Variants in ZNF385D observed in about 807,000 individuals in gnomAD.
ZNF385D encodes the protein zinc finger protein 385D.
ZNF385D carries 15 observed loss-of-function variants against 35.8 expected under a neutral mutation model. That is an observed-to-expected ratio of 0.42 (90% CI 0.28 to 0.64). The LOEUF (loss-of-function observed/expected upper bound fraction) is 0.64. Ranked by LOEUF, ZNF385D falls within the 30% of genes least tolerant of loss-of-function variation. ZNF385D has a pLI of 0.23. For missense variants in ZNF385D, 474 were observed against 494.6 expected (o/e 0.96, Z 0.39); for synonymous variants, 212 against 186.8 (o/e 1.13, Z -1.10).
chr3:21,461,875 A>T (rs77576957), intron 4 of ZNF385D, among the ~76,000 whole-genome samples: 7 of 152,194 alleles, frequency 4.6e-5, no homozygotes, highest in Admixed American at 2.6e-4. Context: ...GGACAAAGAC[A>T]TATCTGTGGC....
At chr3:21,431,184 A>G (rs940428108) in intron 5 of ZNF385D, 2 of 152,106 alleles carry the variant, frequency 1.3e-5, no homozygotes, top group African/African-American at 4.8e-5. Context: ...TGCACTTGAA[A>G]CCTCATTTAA....
chr3:21,725,486 A>G (rs947969786), intron 1 of ZNF385D, among the ~76,000 whole-genome samples: 29 of 152,196 alleles, frequency 1.9e-4, no homozygotes, highest in Non-Finnish European at 1.9e-4. Context: ...TGCAATAAAA[A>G]ATGATACAGG....
intron 3 of ZNF385D, among the ~76,000 whole-genome samples, chr3:22,148,104 G>A (rs563409487): frequency 6.6e-6 from 1 of 152,204 alleles, no homozygotes; most frequent in South Asian, 2.1e-4. Context: ...TGGAATTCCA[G>A]TTGTGTAAAA....
At chr3:22,125,677 G>A (rs761870561) in intron 3 of ZNF385D, among the ~76,000 whole-genome samples, 1 of 151,768 alleles carries the variant, frequency 6.6e-6, no homozygotes. Flanking sequence ...GTATTTTATT[G>A]GTAGCCATTA....
chr3:22,197,299 A>C (rs976407004), intron 2 of ZNF385D, among the ~76,000 whole-genome samples: 2 of 151,968 alleles, frequency 1.3e-5, no homozygotes, highest in African/African-American at 4.8e-5. Context: ...CTCTTCTAGG[A>C]CTATAGTTAC....
At chr3:22,228,804 G>A (rs1435700768) in intron 2 of ZNF385D, among the ~76,000 whole-genome samples, 1 of 152,176 alleles carries the variant, frequency 6.6e-6, no homozygotes, top group Non-Finnish European at 1.5e-5. Context: ...GAATGTGGAA[G>A]GACTAGACTG....
intron 3 of ZNF385D, among the ~76,000 whole-genome samples, chr3:22,105,679 G>C (rs1295169487): frequency 6.6e-6 from 1 of 152,044 alleles, no homozygotes; most frequent in Admixed American, 6.6e-5. Flanking sequence ...GTAAGGCAGA[G>C]AATCAATTCA....
chr3:22,127,935 G>T (rs1479809351), intron 3 of ZNF385D, among the ~76,000 whole-genome samples: 1 of 152,080 alleles, frequency 6.6e-6, no homozygotes, highest in African/African-American at 2.4e-5. Flanking sequence ...TTACATACCA[G>T]AACTGCAGTG....
chr3:22,235,423 C>T (rs1327145763), intron 2 of ZNF385D, among the ~76,000 whole-genome samples: 1 of 151,914 alleles, frequency 6.6e-6, no homozygotes, highest in African/African-American at 2.4e-5. Context: ...TTTAACAGGA[C>T]GAAACACTCA....
chr3:22,353,009 T>C (rs1695987443), intron 2 of ZNF385D, among the ~76,000 whole-genome samples: 1 of 152,172 alleles, frequency 6.6e-6, no homozygotes, highest in Admixed American at 6.5e-5. Flanking sequence ...TCTTTGTTTC[T>C]AGATGGTTCC....
At chr3:21,433,410 A>G (rs1701395893) in intron 5 of ZNF385D, among the ~76,000 whole-genome samples, 1 of 152,218 alleles carries the variant, frequency 6.6e-6, no homozygotes, top group Non-Finnish European at 1.5e-5. Flanking sequence ...ATTCGGATGC[A>G]AGGGAAACAT....
At chr3:22,010,993 T>C (rs1440918873) in intron 3 of ZNF385D, among the ~76,000 whole-genome samples, 1 of 152,168 alleles carries the variant, frequency 6.6e-6, no homozygotes, top group South Asian at 2.1e-4. Context: ...GGATAGACTA[T>C]TTCAATGGAT....
rs137994404 is a variant in ZNF385D, at chr3:21,821,212, C to G, written c.326-156184G>C. ...AGGTGGTAAAATTACAGAAAAGTCT[C>G]ACTCATAAATTTAGATGAAAAAAAA... On this transcript the variant is annotated intron_variant, in intron 3 of 5. Transcript: ENST00000494108. Among the ~76,000 whole-genome samples the G allele has an allele frequency of 4.4e-4, 67 of 151,900 alleles. 1 individual carries two copies. In the East Asian group the frequency reaches 0.012, roughly 28 times the overall value.
intron 3 of ZNF385D, among the ~76,000 whole-genome samples, chr3:21,910,805 G>A (rs537371445): frequency 7.3e-5 from 11 of 151,558 alleles, no homozygotes; most frequent in African/African-American, 2.7e-4. Context: ...ATAAAATGGT[G>A]GCATTTGAGT....
intron 1 of ZNF385D, among the ~76,000 whole-genome samples, chr3:21,693,359 T>C (rs1051033859): frequency 1.3e-5 from 2 of 151,988 alleles, no homozygotes; most frequent in African/African-American, 4.8e-5. Context: ...TCAGTGATCA[T>C]CTTGGGGGCA....
At chr3:22,122,047 A>C (rs915706625) in intron 3 of ZNF385D, among the ~76,000 whole-genome samples, 1 of 152,174 alleles carries the variant, frequency 6.6e-6, no homozygotes, top group Non-Finnish European at 1.5e-5. Flanking sequence ...AGGTGGACTG[A>C]TAGCCACTAG....
chr3:21,787,890 C>T (rs149709376), intron 3 of ZNF385D, among the ~76,000 whole-genome samples: 2 of 131,278 alleles, frequency 1.5e-5, no homozygotes, highest in Non-Finnish European at 3.1e-5. Context: ...TGCAGAGAGG[C>T]GAGATCGAGC....
At chr3:22,231,122 C>A (rs1489629144) in intron 2 of ZNF385D, among the ~76,000 whole-genome samples, 1 of 152,068 alleles carries the variant, frequency 6.6e-6, no homozygotes, top group Non-Finnish European at 1.5e-5. Flanking sequence ...ACAATAGGAA[C>A]AGGGCAAAAG....
intron 3 of ZNF385D, among the ~76,000 whole-genome samples, chr3:21,756,422 G>C (rs1456426276): frequency 6.6e-6 from 1 of 152,158 alleles, no homozygotes; most frequent in Non-Finnish European, 1.5e-5. Flanking sequence ...AAGGTGGTCA[G>C]TGTAGGGGCA....
Sources: allele counts gnomAD v4.1 joint callset (sites outside exome capture counted in the v4.1 genomes callset), GRCh38; gene constraint gnomAD v4.1.1; transcripts MANE v1.5; gene names NCBI Gene and HGNC (gene_info 2026-07-23, HGNC 2026-07-21).